Variants in MACROD2 observed in about 807,000 individuals in gnomAD.
MACROD2 encodes mono-ADP ribosylhydrolase 2.
In MACROD2, 36 loss-of-function variants were observed where a neutral mutation model predicts 70.4. The ratio of observed to expected loss-of-function variants is 0.51; its 90% confidence interval spans 0.39 to 0.68. MACROD2 has a LOEUF of 0.68. Among genes scored for constraint, MACROD2 ranks in the 30% least tolerant of loss-of-function variants. The probability of loss-of-function intolerance (pLI) is 0.00; values close to 1 mark genes in which losing one functional copy is unlikely to be tolerated. For missense variants in MACROD2, 496 were observed against 538.4 expected, an observed-to-expected ratio of 0.92 and a Z score of 0.78; for synonymous variants, 172 against 178.8, an observed-to-expected ratio of 0.96 and a Z score of 0.30.
At chr20:14,659,219 T>C (rs1412855664) in intron 4 of MACROD2, among the ~76,000 whole-genome samples, 1 of 152,196 alleles carries the variant, frequency 6.6e-6, no homozygotes, top group African/African-American at 2.4e-5. Context: ...ATCGGAATGT[T>C]AGTAATTTTG....
At chr20:15,982,319 A>C (rs1282096781) in intron 13 of MACROD2, among the ~76,000 whole-genome samples, 3 of 152,172 alleles carry the variant, frequency 2.0e-5, no homozygotes, top group African/African-American at 7.2e-5. Context: ...GGACTGTAGC[A>C]ATCTTTTGTC....
chr20:14,996,794 G>C (rs2074953658), intron 5 of MACROD2, among the ~76,000 whole-genome samples: 1 of 152,204 alleles, frequency 6.6e-6, no homozygotes, highest in South Asian at 2.1e-4. Context: ...CCCATGGAGG[G>C]AGCGTTTAGA....
chr20:14,413,789 C>CT (rs891108056), intron 3 of MACROD2, among the ~76,000 whole-genome samples: 1 of 150,184 alleles, frequency 6.7e-6, no homozygotes, highest in African/African-American at 2.4e-5. Flanking sequence ...ACTTTTGCTG[C>CT]TTTTTTTTTC....
At chr20:14,050,702 G>T (rs1001758863) in intron 2 of MACROD2, among the ~76,000 whole-genome samples, 2 of 152,098 alleles carry the variant, frequency 1.3e-5, no homozygotes, top group African/African-American at 4.8e-5. Flanking sequence ...GATTTCAGAG[G>T]GCAAGGTAGC....
intron 8 of MACROD2, among the ~76,000 whole-genome samples, chr20:15,684,097 C>A (rs1404851543): frequency 6.6e-6 from 1 of 152,152 alleles, no homozygotes; most frequent in Non-Finnish European, 1.5e-5. Context: ...TCGCTTTCCT[C>A]ATTTTTATTT....
At chr20:15,112,762 A>G (rs751021445) in intron 5 of MACROD2, among the ~76,000 whole-genome samples, 4 of 152,110 alleles carry the variant, frequency 2.6e-5, no homozygotes, top group Admixed American at 6.5e-5. Context: ...CCTAAACTAA[A>G]ATTCTGTACT....
intron 4 of MACROD2, among the ~76,000 whole-genome samples, chr20:14,620,035 G>T (rs768812866): frequency 2.0e-5 from 3 of 152,172 alleles, no homozygotes; most frequent in Non-Finnish European, 4.4e-5. Context: ...CAGGAAGTAG[G>T]CTGGAAGAGG....
intron 4 of MACROD2, among the ~76,000 whole-genome samples, chr20:14,592,271 C>T (rs1981823490): frequency 6.6e-6 from 1 of 152,100 alleles, no homozygotes; most frequent in African/African-American, 2.4e-5. Flanking sequence ...ATGACTATGC[C>T]ATCTGTAAGC....
intron 5 of MACROD2, among the ~76,000 whole-genome samples, chr20:14,712,670 CTT>C: frequency 6.6e-6 from 1 of 152,308 alleles, no homozygotes; most frequent in Middle Eastern, 3.4e-3. Flanking sequence ...GAAAGGCCAA[CTT>C]TTCCTGTTTC....
intron 5 of MACROD2, among the ~76,000 whole-genome samples, chr20:15,148,604 C>T (rs2076247228): frequency 6.6e-6 from 1 of 151,894 alleles, no homozygotes; most frequent in Non-Finnish European, 1.5e-5. Flanking sequence ...AGACAGAAAA[C>T]AGCACAGATG....
At chr20:15,557,011 A>G (rs1240357412) in intron 8 of MACROD2, among the ~76,000 whole-genome samples, 1 of 152,186 alleles carries the variant, frequency 6.6e-6, no homozygotes, top group African/African-American at 2.4e-5. Flanking sequence ...GCAAGTAGGG[A>G]GGGCTCCAAT....
chr20:15,095,861 T>TTG (rs11468899), intron 5 of MACROD2, among the ~76,000 whole-genome samples: 7,902 of 148,508 alleles, frequency 0.053, 446 homozygotes, highest in African/African-American at 0.15. Context: ...ACCATGTTGT[T>TTG]TGTGTGTGTG....
chr20:14,052,138 A>T, intron 2 of MACROD2: 1 of 314,956 alleles, frequency 3.2e-6, no homozygotes, highest in Non-Finnish European at 6.3e-6. Flanking sequence ...GTTGGGGTAG[A>T]GCAGTGGCCT....
chr20:15,442,341 A>G (rs929527954), intron 7 of MACROD2, among the ~76,000 whole-genome samples: 2 of 152,192 alleles, frequency 1.3e-5, no homozygotes, highest in African/African-American at 4.8e-5. Context: ...ACTCCGAAAT[A>G]GACTGGCTTA....
At chr20:15,800,790 G>A (rs188747159) in intron 8 of MACROD2, among the ~76,000 whole-genome samples, 3 of 152,104 alleles carry the variant, frequency 2.0e-5, no homozygotes, top group South Asian at 2.1e-4. Context: ...GATGGTTGCT[G>A]TGTCTGTGTA....
At chr20:14,745,345 A>T (rs766305546) in intron 5 of MACROD2, among the ~76,000 whole-genome samples, 45 of 152,172 alleles carry the variant, frequency 3.0e-4, no homozygotes, top group Non-Finnish European at 5.0e-4. Flanking sequence ...ATAGGCCTAT[A>T]TGAGTATGGT....
chr20:14,925,217 A>G (rs2074215067), intron 5 of MACROD2, among the ~76,000 whole-genome samples: 1 of 152,114 alleles, frequency 6.6e-6, no homozygotes, highest in Admixed American at 6.6e-5. Flanking sequence ...GGTTAAGATT[A>G]TGCTCATTTT....
intron 8 of MACROD2, among the ~76,000 whole-genome samples, chr20:15,858,015 G>A (rs1439377646): frequency 6.6e-6 from 1 of 151,820 alleles, no homozygotes; most frequent in Non-Finnish European, 1.5e-5. Flanking sequence ...GTCCATCCTG[G>A]CAACATAGCA....
intron 8 of MACROD2, among the ~76,000 whole-genome samples, chr20:15,675,158 T>C (rs2050039403): frequency 6.6e-6 from 1 of 152,242 alleles, no homozygotes; most frequent in Non-Finnish European, 1.5e-5. Context: ...TTTTTATTTA[T>C]CTTCCTTGCA....
Sources: gnomAD v4.1 joint callset for allele counts (sites outside exome capture counted in the v4.1 genomes callset) on GRCh38, gnomAD v4.1.1 for gene constraint, MANE v1.5 for transcripts, NCBI Gene and HGNC (gene_info 2026-07-23, HGNC 2026-07-21) for gene names.